MYZAP: variants seen among roughly 807,000 people sequenced by gnomAD.
MYZAP encodes the protein myocardial zonula adherens protein, also known as GRINL1A complex locus upstream.
Under a neutral mutation model 69.4 loss-of-function variants are expected in MYZAP, and 66 were observed. The observed-to-expected ratio is 0.95, with a 90% CI of 0.78 to 1.17. The LOEUF (loss-of-function observed/expected upper bound fraction) is 1.17, where lower values mean the gene tolerates loss of function less well. MYZAP is among the 50% of genes most tolerant of loss of function. The pLI is 0.00. For missense variants in MYZAP, 611 were observed against 556.2 expected (o/e 1.10, Z -0.99); for synonymous variants, 256 against 205.9 (o/e 1.24, Z -2.09).
intron 8 of MYZAP, among the ~76,000 whole-genome samples, chr15:57,636,917 C>T (rs1162367232): frequency 6.6e-6 from 1 of 152,124 alleles, no homozygotes; most frequent in Admixed American, 6.5e-5. Flanking sequence ...TGCTAAAATC[C>T]AGGTGTTGGC....
chr15:57,658,108 A>G (rs1217378039), intron 10 of MYZAP, among the ~76,000 whole-genome samples: 4 of 152,202 alleles, frequency 2.6e-5, no homozygotes, highest in Admixed American at 1.3e-4. Flanking sequence ...AAAATACTTG[A>G]TAATGAAAAT....
At chr15:57,642,659 G>A (rs2037227816) in intron 10 of MYZAP, among the ~76,000 whole-genome samples, 1 of 152,102 alleles carries the variant, frequency 6.6e-6, no homozygotes. Flanking sequence ...TTAAATGATG[G>A]GCTTCTTTTG....
chr15:57,684,011 C>G (rs1310827629), intron 12 of MYZAP, among the ~76,000 whole-genome samples: 10 of 152,126 alleles, frequency 6.6e-5, no homozygotes, highest in Admixed American at 6.5e-4. Flanking sequence ...TCAGGCTGGT[C>G]ACGAACTCCC....
chr15:57,603,172 TA>T (rs1360515784), intron 1 of MYZAP, among the ~76,000 whole-genome samples: 7 of 152,192 alleles, frequency 4.6e-5, no homozygotes, highest in African/African-American at 1.7e-4. Flanking sequence ...TCTCAGTGAC[TA>T]GTGACAAATA....
intron 11 of MYZAP, among the ~76,000 whole-genome samples, chr15:57,663,869 C>T (rs535292908): frequency 6.6e-6 from 1 of 152,086 alleles, no homozygotes; most frequent in South Asian, 2.1e-4. Flanking sequence ...TGATTAAATT[C>T]CCTGAAACTA....
intron 2 of MYZAP, among the ~76,000 whole-genome samples, chr15:57,607,258 G>A (rs971126083): frequency 3.9e-5 from 6 of 152,132 alleles, no homozygotes; most frequent in Admixed American, 6.5e-5. Flanking sequence ...GGAGATGTTC[G>A]TGAAAGGTTT....
intron 10 of MYZAP, among the ~76,000 whole-genome samples, chr15:57,654,421 A>C (rs1234699129): frequency 1.3e-5 from 2 of 152,124 alleles, no homozygotes; most frequent in Admixed American, 6.5e-5. Context: ...AGTGATGTGC[A>C]CCTTTTATAT....
At position 57,674,957 on chromosome 15, in the gene MYZAP, C is replaced by T. The variant is rs1172683231; in HGVS notation, c.1204-11C>T. 3.1e-6 allele frequency: 5 copies of T among 1,597,950 alleles called. No homozygotes were observed. Among genetic ancestry groups the T allele is most frequent in the Admixed American group, 1.8e-5 (1 of 55,958 alleles). ...TGACTTACTGAAAGTACCTTTTTTT[C>T]TCATCTCCAGAATAATGAACTACAA... On this transcript the variant is annotated splice_polypyrimidine_tract_variant and intron_variant, in intron 11 of 12. Coordinates refer to ENST00000267853, the MANE Select transcript of MYZAP (RefSeq NM_001018100.5).
At position 57,595,404 on chromosome 15, in the gene MYZAP, G is replaced by A. The variant is rs142605863; in HGVS notation, c.75+3295G>A. Among the ~76,000 whole-genome samples the A allele has an allele frequency of 1.1e-4, 17 of 152,214 alleles. No individual in the cohort carries two copies. In the East Asian group the frequency reaches 3.3e-3, roughly 29 times the overall value. On this transcript the variant is annotated intron_variant, in intron 1 of 12. Transcript: ENST00000267853. ...CAGCCAGAAGATGACCTTGGGGAAT[G>A]GGGGGAAACGATTTTAAAAATATTG...
intron 11 of MYZAP, among the ~76,000 whole-genome samples, chr15:57,667,913 G>A (rs2038663882): frequency 2.0e-5 from 3 of 152,116 alleles, no homozygotes; most frequent in Non-Finnish European, 1.5e-5. Context: ...TTGCAACCCA[G>A]CTTTCCATTC....
chr15:57,646,384 C>G (rs975911525), intron 10 of MYZAP: 92 of 1,160,442 alleles, frequency 7.9e-5, no homozygotes, highest in Admixed American at 1.2e-4. Flanking sequence ...CACATACTGT[C>G]ACCCTGACTT....
chr15:57,653,904 C>G (rs2037853175), intron 10 of MYZAP, among the ~76,000 whole-genome samples: 1 of 141,538 alleles, frequency 7.1e-6, no homozygotes, highest in South Asian at 2.3e-4. Flanking sequence ...ACTTGGGAGG[C>G]TGAGATGGGA....
At chr15:57,643,959 T>G (rs1280993582) in intron 10 of MYZAP, among the ~76,000 whole-genome samples, 1 of 152,186 alleles carries the variant, frequency 6.6e-6, no homozygotes, top group African/African-American at 2.4e-5. Flanking sequence ...ATAATTGAGA[T>G]GTTTAATAAG....
At chr15:57,609,565 A>G (rs1039390851) in intron 2 of MYZAP, among the ~76,000 whole-genome samples, 4 of 152,076 alleles carry the variant, frequency 2.6e-5, no homozygotes, top group East Asian at 3.9e-4. Context: ...TCTCCATATA[A>G]TTCCTAGGTA....
intron 10 of MYZAP, among the ~76,000 whole-genome samples, chr15:57,649,030 G>A (rs2037594743): frequency 1.3e-5 from 2 of 151,686 alleles, no homozygotes; most frequent in Admixed American, 6.6e-5. Flanking sequence ...AAATTGTATT[G>A]TACATATTTT....
rs2035342682 is a variant in MYZAP at position 57,615,051 on chromosome 15, G to A, written c.163-2982G>A. On this transcript the variant is annotated intron_variant, in intron 2 of 12. Transcript: ENST00000267853. ...CTCCCCTGGTGTGGCTGGTGCTGATGGCCCTGCTCCCCAGCGGGTAGAGTC... is the reference window on the plus strand; with the variant it reads ...CTCCCCTGGTGTGGCTGGTGCTGATAGCCCTGCTCCCCAGCGGGTAGAGTC... 2.6e-5 allele frequency among the ~76,000 whole-genome samples: 4 copies of A among 152,236 alleles called. No homozygotes were observed. In the South Asian group the frequency reaches 8.3e-4, roughly 32 times the overall value.
rs2140298068 is a variant in MYZAP at position 57,591,972 on chromosome 15, C to T, written c.-63C>T. 1 of 1,335,610 alleles carries T rather than the reference C, an allele frequency of 7.5e-7. No homozygotes were observed. Among genetic ancestry groups the T allele is most frequent in the Admixed American group, 3.6e-5 (1 of 27,884 alleles). The allele number at this position is 1,335,610 out of a possible 1,614,324, so 82.7% of individuals were successfully genotyped here. On this transcript the variant is annotated 5_prime_UTR_variant, in exon 1 of 13. Coordinates refer to ENST00000267853, the MANE Select transcript of MYZAP (RefSeq NM_001018100.5). Reference sequence around the variant, plus strand: ...CGTCGCCCCCGCGCAGGGCGGGCCCCGCACGCTTATTCTGCCCGGGAGGAA... The same window carrying T: ...CGTCGCCCCCGCGCAGGGCGGGCCCTGCACGCTTATTCTGCCCGGGAGGAA...
chr15:57,599,247 C>T (rs1232136039), intron 1 of MYZAP, among the ~76,000 whole-genome samples: 6 of 152,094 alleles, frequency 3.9e-5, no homozygotes, highest in Non-Finnish European at 7.4e-5. Context: ...TATGATTTAA[C>T]CACAAAGCTA....
Position 57,604,314 on chromosome 15 carries a change from G to C in MYZAP, c.121G>C (p.Val41Leu), listed in dbSNP as rs2034602365. 1 of 1,614,210 alleles carries C rather than the reference G, an allele frequency of 6.2e-7. No homozygotes were observed. Residue 41 changes from valine to leucine, a missense_variant, in exon 2 of 13, where the codon GTT becomes CTT. By Grantham distance (32) the Val-to-Leu change is conservative. Coordinates refer to ENST00000267853, the MANE Select transcript of MYZAP (RefSeq NM_001018100.5). Reference sequence around the variant, plus strand: ...GCTGACCGTACCTCCTGAGAGTCCAGTTCCTGAGCAATGTGAAAAGAAGAT... The same window carrying C: ...GCTGACCGTACCTCCTGAGAGTCCACTTCCTGAGCAATGTGAAAAGAAGAT... ...LRLTVPPESP[V>L]PEQCEKKIER...
Sources: gnomAD v4.1 joint callset for allele counts (sites outside exome capture counted in the v4.1 genomes callset) on GRCh38, gnomAD v4.1.1 for gene constraint, MANE v1.5 for transcripts, NCBI Gene and HGNC (gene_info 2026-07-23, HGNC 2026-07-21) for gene names.